ZNF385D: variants seen among roughly 807,000 people sequenced by gnomAD.
ZNF385D encodes the protein zinc finger protein 385D, also known as zinc finger protein 659.
A neutral mutation model predicts 35.8 loss-of-function variants in ZNF385D; 15 were observed. That is an observed-to-expected ratio of 0.42 (90% CI 0.28 to 0.64). The LOEUF (loss-of-function observed/expected upper bound fraction) is 0.64, where lower values mean the gene tolerates loss of function less well. ZNF385D is among the 30% of genes least tolerant of loss of function. ZNF385D has a pLI of 0.23. For synonymous variants in ZNF385D, 212 were observed against 186.8 expected (o/e 1.13, Z -1.10); for missense variants, 474 against 494.6 (o/e 0.96, Z 0.39).
At chr3:22,237,997 G>T (rs1699285668) in intron 2 of ZNF385D, among the ~76,000 whole-genome samples, 1 of 150,728 alleles carries the variant, frequency 6.6e-6, no homozygotes, top group Non-Finnish European at 1.5e-5. Flanking sequence ...CTGAGGTAGG[G>T]GTCCAACTTT....
At chr3:22,283,021 G>C (rs1159100942) in intron 2 of ZNF385D, among the ~76,000 whole-genome samples, 3 of 151,982 alleles carry the variant, frequency 2.0e-5, no homozygotes, top group Non-Finnish European at 4.4e-5. Context: ...CACCAAAAGT[G>C]AGCAGGAGTA....
chr3:21,706,529 G>A (rs974386877), intron 1 of ZNF385D, among the ~76,000 whole-genome samples: 9 of 152,122 alleles, frequency 5.9e-5, no homozygotes, highest in African/African-American at 1.9e-4. Flanking sequence ...GTTGTAGCTG[G>A]CCCCTTAACT....
intron 2 of ZNF385D, among the ~76,000 whole-genome samples, chr3:21,645,436 G>C (rs2065722712): frequency 6.6e-6 from 1 of 152,084 alleles, no homozygotes; most frequent in South Asian, 2.1e-4. Flanking sequence ...CTTTAGTCTT[G>C]AACTCTCCTA....
intron 5 of ZNF385D, among the ~76,000 whole-genome samples, chr3:21,428,982 G>A (rs1393699559): frequency 1.7e-5 from 2 of 115,056 alleles, no homozygotes; most frequent in Non-Finnish European, 3.6e-5. Flanking sequence ...AGTATTTGGG[G>A]GAAAGATACA....
chr3:21,935,889 A>AACAGAGTTTGGCTTG (rs1287627888), intron 3 of ZNF385D, among the ~76,000 whole-genome samples: 2 of 152,186 alleles, frequency 1.3e-5, no homozygotes, highest in Non-Finnish European at 2.9e-5. Flanking sequence ...ACATCATGTA[A>AACAGAGTTTGGCTTG]ACAGAGTTTG....
intron 3 of ZNF385D, among the ~76,000 whole-genome samples, chr3:22,043,401 T>C (rs531226650): frequency 1.3e-5 from 2 of 152,204 alleles, no homozygotes; most frequent in South Asian, 4.1e-4. Flanking sequence ...GCTACAAACA[T>C]AGGCATAGAT....
At chr3:21,943,961 T>C (rs565925127) in intron 3 of ZNF385D, among the ~76,000 whole-genome samples, 2 of 152,312 alleles carry the variant, frequency 1.3e-5, no homozygotes, top group African/African-American at 4.8e-5. Flanking sequence ...TTTTAACATG[T>C]TCATACCAAA....
chr3:22,226,314 G>A (rs968428770), intron 2 of ZNF385D, among the ~76,000 whole-genome samples: 7 of 152,044 alleles, frequency 4.6e-5, no homozygotes, highest in African/African-American at 1.7e-4. Flanking sequence ...GCCTCAGCAC[G>A]ACAGACCAGT....
chr3:22,111,120 T>TA lies in ZNF385D; in HGVS notation c.325+57696dup, dbSNP rs200808700. 5.2e-3 allele frequency among the ~76,000 whole-genome samples: 771 copies of TA among 146,866 alleles called. 6 individuals carry two copies. The highest frequency in any genetic ancestry group is 7.2e-3 in the Non-Finnish European group (478 of 66,736). On this transcript the variant is annotated intron_variant, in intron 3 of 5. Transcript: ENST00000494108. Reference sequence around the variant, plus strand: ...GCCTAAAATGGATGAAAATCTACAGTAAAGCAGTAACATATTGAGGCTCCA... The same window carrying TA: ...GCCTAAAATGGATGAAAATCTACAGTAAAAGCAGTAACATATTGAGGCTCCA...
rs1423947918 is a variant in ZNF385D at position 21,510,908 on chromosome 3, A to G, written c.392T>C (p.Phe131Ser). ...VTAKDSAKTT[F>S]TSITTNTINT... Reference sequence around the variant, plus strand: ...GATGGTATTGGTAGTGATGGAGGTGAAGGTAGTCTTTGCGCTGTCCTTGGC... The same window carrying G: ...GATGGTATTGGTAGTGATGGAGGTGGAGGTAGTCTTTGCGCTGTCCTTGGC... Residue 131 changes from phenylalanine (F) to serine (S), a missense_variant, in exon 4 of 8, where the codon TTC becomes TCC. By Grantham distance (155) the Phe-to-Ser change is radical (BLOSUM62 -2). Transcript: ENST00000281523. 6.2e-7 allele frequency: 1 copy of G among 1,614,110 alleles called. No homozygotes were observed. The highest frequency in any genetic ancestry group is 1.7e-5 in the Admixed American group (1 of 60,014).
intron 3 of ZNF385D, among the ~76,000 whole-genome samples, chr3:21,889,131 A>C (rs1328845187): frequency 6.6e-6 from 1 of 152,208 alleles, no homozygotes; most frequent in Admixed American, 6.5e-5. Flanking sequence ...CTGACACTGA[A>C]ATAGACAACA....
At chr3:22,228,193 G>A (rs770133982) in intron 2 of ZNF385D, among the ~76,000 whole-genome samples, 4 of 152,176 alleles carry the variant, frequency 2.6e-5, no homozygotes, top group Non-Finnish European at 5.9e-5. Context: ...CAACAAAACA[G>A]TCTGTGAGAG....
At chr3:21,518,734 T>C (rs528846095) in intron 3 of ZNF385D, among the ~76,000 whole-genome samples, 21 of 152,288 alleles carry the variant, frequency 1.4e-4, no homozygotes, top group African/African-American at 4.8e-4. Context: ...CAAGAGATTG[T>C]CTTCTCTACT....
upstream of ZNF385D, among the ~76,000 whole-genome samples, chr3:21,752,539 A>C (rs958360649): frequency 6.6e-6 from 1 of 152,222 alleles, no homozygotes; most frequent in African/African-American, 2.4e-5. Flanking sequence ...GCAATCTTGC[A>C]TAAAAGCTTA....
intron 3 of ZNF385D, among the ~76,000 whole-genome samples, chr3:22,005,083 A>AAC (rs1553717904): frequency 3.4e-5 from 4 of 117,312 alleles, no homozygotes; most frequent in African/African-American, 7.0e-5. Context: ...AAAAAAAAAA[A>AAC]AGGCAGAAAA....
intron 2 of ZNF385D, among the ~76,000 whole-genome samples, chr3:22,255,782 T>A (rs1400323440): frequency 1.4e-5 from 2 of 143,630 alleles, no homozygotes; most frequent in South Asian, 4.4e-4. Context: ...TTTCATATCC[T>A]TAACTCAGTT....
chr3:22,335,313 C>G lies in ZNF385D; in HGVS notation c.106+37137G>C, dbSNP rs1375808438. On this transcript the variant is annotated intron_variant, in intron 2 of 5. Transcript: ENST00000494108. ...TCATTCTGTAATGTCTGAACATAGA[C>G]AAGTCATGAACATTGTGAGTGTACA... Among the ~76,000 whole-genome samples the G allele has an allele frequency of 2.6e-5, 4 of 152,090 alleles. No individual in the cohort carries two copies. In the East Asian group the frequency reaches 7.7e-4, roughly 29 times the overall value.
chr3:22,022,767 T>C (rs997493925), intron 3 of ZNF385D, among the ~76,000 whole-genome samples: 2 of 152,098 alleles, frequency 1.3e-5, no homozygotes, highest in Non-Finnish European at 2.9e-5. Context: ...CAAGAACATA[T>C]AACATTTAAA....
At chr3:21,688,770 CAAAG>C (rs912210162) in intron 1 of ZNF385D, among the ~76,000 whole-genome samples, 1 of 152,112 alleles carries the variant, frequency 6.6e-6, no homozygotes. Flanking sequence ...TAAAATGACA[CAAAG>C]AGAGATTTCT....
Sources: allele counts gnomAD v4.1 joint callset (sites outside exome capture counted in the v4.1 genomes callset), GRCh38; gene constraint gnomAD v4.1.1; transcripts MANE v1.5; gene names NCBI Gene and HGNC (gene_info 2026-07-23, HGNC 2026-07-21).